Variants in TRIM21 observed in about 807,000 individuals in gnomAD.
TRIM21 encodes E3 ubiquitin-protein ligase TRIM21.
Under a neutral mutation model 36.1 loss-of-function variants are expected in TRIM21, and 35 were observed. The observed-to-expected ratio is 0.97, with a 90% CI of 0.74 to 1.28. TRIM21 has a LOEUF of 1.28. TRIM21 is among the 50% of genes most tolerant of loss of function. TRIM21 has a pLI of 0.00. For synonymous variants in TRIM21, 256 were observed against 211.5 expected (o/e 1.21, Z -1.83); for missense variants, 635 against 570.7 (o/e 1.11, Z -1.15).
Position 4,385,507 on chromosome 11 carries a change from C to A in TRIM21, c.1206G>T (p.Val402=). The A allele has an allele frequency of 6.2e-7, 1 of 1,611,826 alleles. No homozygotes were observed. The highest frequency in any genetic ancestry group is 8.5e-7 in the Non-Finnish European group (1 of 1,178,884). Residue 402 remains valine (V), a synonymous_variant, in exon 7 of 7, where the codon GTG becomes GTT. Coordinates refer to ENST00000254436, the MANE Select transcript of TRIM21 (RefSeq NM_003141.4). ...TYPQTPLHLQ[V]PPCQVGIFLD... The stretch of plus-strand genomic sequence containing the variant: ...GGAAAATCCCAACTTGGCATGGAGG[C>A]ACCTGAAGGTGGAGGGGAGTCTGGG...
At chr11:4,393,274 C>T (rs920313829) in intron 1 of TRIM21, among the ~76,000 whole-genome samples, 8 of 152,148 alleles carry the variant, frequency 5.3e-5, no homozygotes, top group African/African-American at 1.9e-4. Flanking sequence ...TCCTGGCTAT[C>T]CCAGCCACAC....
chr11:4,389,000 G>T (rs1337866119), intron 3 of TRIM21, among the ~76,000 whole-genome samples: 1 of 152,122 alleles, frequency 6.6e-6, no homozygotes, highest in Admixed American at 6.5e-5. Context: ...TTCCTCTCCT[G>T]TTAGTAACTG....
rs1469359519 is a variant in TRIM21, at chr11:4,385,529, T to TG, written c.1183dup (p.Gln395ProfsTer20). The stretch of plus-strand genomic sequence containing the variant: ...AGGCACCTGAAGGTGGAGGGGAGTC[T>TG]GGGGGTAGGTGCCAGCCTCATATTT... On this transcript the variant is annotated frameshift_variant, in exon 7 of 7. Transcript: ENST00000254436. LOFTEE classifies it low-confidence loss of function (END_TRUNC). 6.2e-7 allele frequency: 1 copy of TG among 1,611,800 alleles called. No individual in the cohort carries two copies.
chr11:4,390,514 C>A, intron 1 of TRIM21, 56 bp from the exon 2 acceptor site: 1 of 1,189,686 alleles, frequency 8.4e-7, no homozygotes, highest in Non-Finnish European at 1.2e-6. Flanking sequence ...GTAAGAAAAA[C>A]AAAAAGTCAA....
At chr11:4,390,736 A>G (rs189391834) in intron 1 of TRIM21, among the ~76,000 whole-genome samples, 74 of 152,366 alleles carry the variant, frequency 4.9e-4, no homozygotes, top group African/African-American at 1.6e-3. Flanking sequence ...ACAGACACAT[A>G]GACCAGTAGA....
chr11:4,392,649 C>G (rs1323851323), intron 1 of TRIM21, among the ~76,000 whole-genome samples: 2 of 151,968 alleles, frequency 1.3e-5, no homozygotes, highest in African/African-American at 4.8e-5. Context: ...TTGCACCGAT[C>G]AAACAGTTTG....
chr11:4,390,682 C>A (rs1210366778), intron 1 of TRIM21, among the ~76,000 whole-genome samples: 1 of 152,148 alleles, frequency 6.6e-6, no homozygotes, highest in Non-Finnish European at 1.5e-5. Flanking sequence ...TCAAATTATA[C>A]TGTAGAGCTA....
chr11:4,388,400 C>T lies in TRIM21; in HGVS notation c.635G>A (p.Gly212Glu), dbSNP rs975154785. The change falls in exon 4 of 7, where the codon GGG becomes GAG. Residue 212 changes from glycine to glutamate, a missense_variant. Gly to Glu is a moderately conservative substitution (Grantham distance 98). Transcript: ENST00000254436. ...CTGGGCCAGCTTGGCCTCTTTCTCC[C>T]CCAGGATTCTCAGCTGCTCCCTCTC... ...KDEREQLRIL[G>E]EKEAKLAQQS... 5.0e-6 allele frequency: 8 copies of T among 1,613,872 alleles called. No individual in the cohort carries two copies. Among genetic ancestry groups the T allele is most frequent in the Non-Finnish European group, 6.8e-6 (8 of 1,179,904 alleles).
rs375985425 is a variant in TRIM21 at position 4,386,925 on chromosome 11, C to G, written c.758+43G>C. 57 of 1,565,916 alleles carry G rather than the reference C, an allele frequency of 3.6e-5. No homozygotes were observed. In the South Asian group the frequency reaches 6.2e-4, roughly 17 times the overall value. The stretch of plus-strand genomic sequence containing the variant: ...ATCACCTTTGTCATAGGCATATATG[C>G]TTTCTGCTGGCCCCTCTTCTAACAA... On this transcript the variant is annotated intron_variant, in intron 5 of 6. Transcript: ENST00000254436.
intron 1 of TRIM21, 71 bp from the exon 2 acceptor site, chr11:4,390,529 A>G: frequency 2.1e-6 from 2 of 951,882 alleles, no homozygotes. Context: ...AGTCAACATA[A>G]TCCCTATCAA....
At chr11:4,386,840 G>C (rs929562306) in intron 5 of TRIM21, 128 bp downstream of exon 5, 16 of 919,488 alleles carry the variant, frequency 1.7e-5, no homozygotes, top group Non-Finnish European at 2.6e-5. Context: ...TATAGAGAAT[G>C]AAGTTTTTGA....
Position 4,385,246 on chromosome 11 carries a change from G to C in TRIM21, c.*39C>G. 3 of 1,551,234 alleles carry C rather than the reference G, an allele frequency of 1.9e-6. No homozygotes were observed. The highest frequency in any genetic ancestry group is 2.6e-6 in the Non-Finnish European group (3 of 1,142,556). ...GAGGCAGGGTTTGTGGCTGAGAAGC[G>C]GTGCCAATGGGGAGAGTGGCAGTGT... On this transcript the variant is annotated 3_prime_UTR_variant, in exon 7 of 7. Transcript: ENST00000254436.
chr11:4,387,070 C>A, intron 4 of TRIM21, 80 bp from the exon 5 acceptor site: 2 of 1,442,296 alleles, frequency 1.4e-6, no homozygotes, highest in East Asian at 2.5e-5. Context: ...TGATGTGATC[C>A]ATCTTTGGTC....
intron 1 of TRIM21, among the ~76,000 whole-genome samples, chr11:4,391,708 A>T (rs575850042): frequency 3.5e-4 from 54 of 152,346 alleles, no homozygotes; most frequent in Admixed American, 1.1e-3. Flanking sequence ...GATAAAGAAA[A>T]TGTGGTATGT....
rs1176517119 is a variant in TRIM21, at chr11:4,390,009, T to G, written c.401A>C (p.Glu134Ala). ...AMVPLEEAAQ[E>A]YQEKLQVALG... The stretch of plus-strand genomic sequence containing the variant: ...GTGTCTCTTAGGCCTCACCTGGTAC[T>G]CCTGTGCAGCCTCCTCAAGAGGGAC... The change falls in exon 2 of 7, where the codon GAG becomes GCG. Residue 134 changes from glutamate (E) to alanine (A), a missense_variant. Coordinates refer to ENST00000254436, the MANE Select transcript of TRIM21 (RefSeq NM_003141.4). The G allele has an allele frequency of 1.2e-6, 2 of 1,613,716 alleles. No homozygotes were observed. Among genetic ancestry groups the G allele is most frequent in the Admixed American group, 3.3e-5 (2 of 60,002 alleles).
At chr11:4,388,605 C>T in intron 3 of TRIM21, 75 bp from the exon 4 acceptor site, 1 of 1,428,732 alleles carries the variant, frequency 7.0e-7, no homozygotes, top group Non-Finnish European at 9.7e-7. Context: ...GTATTGGTAC[C>T]TATTCCTATC....
intron 2 of TRIM21, 30 bp from the exon 3 acceptor site, chr11:4,389,779 C>T (rs1285929689): frequency 1.2e-6 from 2 of 1,601,292 alleles, no homozygotes; most frequent in Admixed American, 1.7e-5. Flanking sequence ...ATTCGTCCCC[C>T]ATGCAAACCA....
rs1554891703 is a variant in TRIM21 at position 4,387,265 on chromosome 11, T to TTTC, written c.736-276_736-275insGAA. Among the ~76,000 whole-genome samples the TTTC allele has an allele frequency of 2.2e-3, 331 of 149,862 alleles. 3 individuals are homozygous for TTTC. The highest frequency in any genetic ancestry group is 4.0e-3 in the Admixed American group (60 of 15,092). ...CTCAAAGACCAGTTTTTTTTTTTTT[T>TTTC]CCCCAGGGGAGAAAGAAAGGAGGGC... On this transcript the variant is annotated intron_variant, in intron 4 of 6. Transcript: ENST00000254436.
chr11:4,390,225 T>G lies in TRIM21; in HGVS notation c.185A>C (p.Asn62Thr), dbSNP rs2094961491. The stretch of plus-strand genomic sequence containing the variant: ...GGCTAGCTGTCGATTGGGCCGGAGA[T>G]TCTTGAGCAGAAAGCGCTGCCGGCA... ...PVCRQRFLLK[N>T]LRPNRQLANM... Residue 62 changes from asparagine to threonine, a missense_variant, in exon 2 of 7, where the codon AAT (asparagine) becomes ACT (threonine). Physicochemically the swap from Asn to Thr is moderately conservative, Grantham distance 65. Coordinates refer to ENST00000254436, the MANE Select transcript of TRIM21 (RefSeq NM_003141.4). 1.2e-6 allele frequency: 2 copies of G among 1,613,848 alleles called. No homozygotes were observed. The highest frequency in any genetic ancestry group is 2.7e-5 in the African/African-American group (2 of 74,920).
Sources: gnomAD v4.1 joint callset for allele counts (sites outside exome capture counted in the v4.1 genomes callset) on GRCh38, gnomAD v4.1.1 for gene constraint, MANE v1.5 for transcripts, NCBI Gene and HGNC (gene_info 2026-07-23, HGNC 2026-07-21) for gene names.